The following LITAF variants were observed in gnomAD, a reference collection of about 807,000 sequenced individuals.
LITAF encodes lipopolysaccharide-induced tumor necrosis factor-alpha factor.
LITAF carries 9 observed loss-of-function variants against 14.5 expected under a neutral mutation model. The ratio of observed to expected loss-of-function variants is 0.62; its 90% CI spans 0.37 to 1.08. LITAF has a LOEUF of 1.08. Ranked by LOEUF, LITAF falls within the 50% of genes least tolerant of loss-of-function variation. LITAF has a pLI of 0.01. For missense variants in LITAF, 206 were observed against 213.4 expected, an observed-to-expected ratio of 0.97 and a Z score of 0.22; for synonymous variants, 98 against 88.2, an observed-to-expected ratio of 1.11 and a Z score of -0.62.
chr16:11,606,022 C>T (rs559215014), intron 3 of LITAF, among the ~76,000 whole-genome samples: 52 of 152,038 alleles, frequency 3.4e-4, no homozygotes, highest in Non-Finnish European at 6.9e-4. Context: ...GATCCTTTTT[C>T]GTTAAACTTA....
upstream of LITAF, among the ~76,000 whole-genome samples, chr16:11,637,620 G>A (rs562538147): frequency 1.3e-5 from 2 of 152,162 alleles, no homozygotes; most frequent in South Asian, 2.1e-4. Flanking sequence ...TAGGCTGCAC[G>A]CAGCGGCTCA....
In LITAF at chr16:11,549,003, C is replaced by T. The variant is rs766429293; in HGVS notation, c.*634G>A. 42 of 453,774 alleles carry T rather than the reference C, an allele frequency of 9.3e-5. No individual in the cohort carries two copies. The East Asian group carries it at 1.1e-3, about 12-fold the overall frequency. The allele number at this position is 453,774 out of a possible 1,614,324, so 28.1% of individuals were successfully genotyped here. A position where few individuals can be genotyped will look rare whatever the true frequency, so the allele number is the denominator to read the frequency against. On this transcript the variant is annotated 3_prime_UTR_variant, in exon 4 of 4. Transcript: ENST00000622633. This position sits in a 1 kb window ranked among gnomAD's most constrained non-coding sequence, Gnocchi z 4.6. ...GCCCTATTTTTCTAGCATGCATTTA[C>T]GACCTTGTGGATATGTCTGTACTGG...
chr16:11,611,937 T>C (rs1255423762), intron 3 of LITAF, among the ~76,000 whole-genome samples: 2 of 152,232 alleles, frequency 1.3e-5, no homozygotes, highest in African/African-American at 4.8e-5. Context: ...AGTGCTGGGA[T>C]GACAGGTGTG....
intron 1 of LITAF, among the ~76,000 whole-genome samples, chr16:11,577,538 G>C (rs193097468): frequency 3.0e-4 from 45 of 152,000 alleles, no homozygotes; most frequent in African/African-American, 1.1e-3. Flanking sequence ...GGTTGGTCTC[G>C]AACTCATGAC....
At chr16:11,565,375 G>C (rs1045882090) in intron 1 of LITAF, among the ~76,000 whole-genome samples, 2 of 140,906 alleles carry the variant, frequency 1.4e-5, no homozygotes, top group East Asian at 4.4e-4. Context: ...GGGCCACCGC[G>C]CCTGGCCTTG....
intron 3 of LITAF, among the ~76,000 whole-genome samples, chr16:11,606,307 T>G (rs11075003): frequency 0.14 from 21,431 of 151,862 alleles, 1,862 homozygotes; most frequent in Non-Finnish European, 0.21. Context: ...TAGCTGGGAC[T>G]ACAGGCACGC....
In LITAF at chr16:11,549,551, G is replaced by A. The variant is rs755466235; in HGVS notation, c.*86C>T. On this transcript the variant is annotated 3_prime_UTR_variant, in exon 4 of 4. Coordinates refer to ENST00000622633, the MANE Select transcript of LITAF (RefSeq NM_001136472.2). This position sits in a 1 kb window ranked among gnomAD's most constrained non-coding sequence, Gnocchi z 4.6. ...CCCCCTGGAGAGGTGAGACCACCAG[G>A]GCAGAACCTCCACCAGGCGTGAAGC... 8 of 1,009,654 alleles carry A rather than the reference G, an allele frequency of 7.9e-6. No homozygotes were observed. Among genetic ancestry groups the A allele is most frequent in the African/African-American group, 1.6e-5 (1 of 62,766 alleles). The allele number at this position is 1,009,654 out of a possible 1,614,324, so 62.5% of individuals were successfully genotyped here.
At position 11,558,148 on chromosome 16, in the gene LITAF, G is replaced by C. The variant is rs895987649; in HGVS notation, c.-5-1413C>G. Among the ~76,000 whole-genome samples the C allele has an allele frequency of 1.3e-5, 2 of 152,178 alleles. No homozygotes were observed. The highest frequency in any genetic ancestry group is 4.8e-5 in the African/African-American group (2 of 41,430). ...GTCTGCCTCATTTTCTAGAACTCGT[G>C]GGAAGCCAAGGCAGCAATTAATCCC... On this transcript the variant is annotated intron_variant, in intron 1 of 3. Coordinates refer to ENST00000622633, the MANE Select transcript of LITAF (RefSeq NM_001136472.2). The surrounding 1 kb of genome is among the most constrained non-coding windows in gnomAD (Gnocchi z 4.1).
chr16:11,615,663 G>C (rs1300022702), intron 3 of LITAF, among the ~76,000 whole-genome samples: 1 of 152,130 alleles, frequency 6.6e-6, no homozygotes, highest in Admixed American at 6.5e-5. Flanking sequence ...GTGAGACTAT[G>C]TCTTTAAAAA....
intron 1 of LITAF, among the ~76,000 whole-genome samples, chr16:11,559,465 T>G (rs140234443): frequency 1.3e-5 from 2 of 152,116 alleles, no homozygotes; most frequent in Non-Finnish European, 2.9e-5. Context: ...AATGGTAAAT[T>G]TGATGAACAC....
At chr16:11,596,050 C>T (rs1350523653) in intron 1 of LITAF, among the ~76,000 whole-genome samples, 4 of 152,096 alleles carry the variant, frequency 2.6e-5, no homozygotes, top group Non-Finnish European at 5.9e-5. Context: ...CCCTGGTCAC[C>T]GTCTGGGGGT....
intron 3 of LITAF, among the ~76,000 whole-genome samples, chr16:11,609,959 C>A (rs1276276437): frequency 6.6e-6 from 1 of 152,192 alleles, no homozygotes; most frequent in East Asian, 1.9e-4. Flanking sequence ...CCCCGCCTGT[C>A]ATTTACAGTT....
intron 1 of LITAF, among the ~76,000 whole-genome samples, chr16:11,576,295 C>T (rs1463234916): frequency 1.3e-5 from 2 of 151,812 alleles, no homozygotes; most frequent in African/African-American, 2.4e-5. Flanking sequence ...ATGGTGAAAC[C>T]CCATCTCTAC....
At chr16:11,551,918 G>GA in intron 3 of LITAF, 2 of 403,118 alleles carry the variant, frequency 5.0e-6, no homozygotes, top group Non-Finnish European at 4.3e-6. Context: ...AGAGGCAATG[G>GA]ACTTTTTTTT....
At chr16:11,551,840 C>G (rs2064186715) in intron 3 of LITAF, 1 of 535,076 alleles carries the variant, frequency 1.9e-6, no homozygotes. Flanking sequence ...TCAAACAAAA[C>G]AAAACAAGTT....
chr16:11,548,415 A>C lies in LITAF; in HGVS notation c.*1222T>G. ...TTCCTCTGAAACAGTTCTGGTTCCC[A>C]AGCATCCGCACCATGGTACCCAGAC... is the stretch of plus-strand genomic sequence containing the variant. On this transcript the variant is annotated 3_prime_UTR_variant, in exon 4 of 4. Transcript: ENST00000622633. 1 of 453,980 alleles carries C rather than the reference A, an allele frequency of 2.2e-6. No individual in the cohort carries two copies. The highest frequency in any genetic ancestry group is 4.4e-6 in the Non-Finnish European group (1 of 226,780). The allele number at this position is 453,980 out of a possible 1,614,324, so 28.1% of individuals were successfully genotyped here. A position where few individuals can be genotyped will look rare whatever the true frequency, so the allele number is the denominator to read the frequency against.
chr16:11,623,318 T>C (rs1049518305), intron 3 of LITAF, among the ~76,000 whole-genome samples: 1 of 151,846 alleles, frequency 6.6e-6, no homozygotes, highest in Non-Finnish European at 1.5e-5. Context: ...GGAAAGTCTG[T>C]GGTAAGGACT....
chr16:11,635,169 C>G (rs1346553246), intron 2 of LITAF, among the ~76,000 whole-genome samples: 5 of 152,226 alleles, frequency 3.3e-5, no homozygotes, highest in Non-Finnish European at 5.9e-5. Context: ...CATGATAAAT[C>G]AGCTCTATCT....
intron 3 of LITAF, among the ~76,000 whole-genome samples, chr16:11,622,449 C>T (rs2065057031): frequency 6.6e-6 from 1 of 152,212 alleles, no homozygotes; most frequent in South Asian, 2.1e-4. Context: ...GAAGAGGCAG[C>T]AATCACGGGA....
Sources: gnomAD v4.1 joint callset for allele counts (sites outside exome capture counted in the v4.1 genomes callset) on GRCh38, gnomAD v4.1.1 for gene constraint, Gnocchi (gnomAD v3.1) non-coding constraint, MANE v1.5 for transcripts, NCBI Gene and HGNC (gene_info 2026-07-23, HGNC 2026-07-21) for gene names.